The following GAS7 variants were observed in gnomAD, a reference collection of about 807,000 sequenced individuals.
GAS7 encodes the protein growth arrest-specific protein 7.
GAS7 carries 28 observed loss-of-function variants against 71.1 expected under a neutral mutation model. That is an observed-to-expected ratio of 0.39 (90% CI 0.29 to 0.54). GAS7 has a LOEUF of 0.54. GAS7 is among the 20% of genes least tolerant of loss of function. The pLI, the probability that GAS7 is intolerant of heterozygous loss-of-function variation, is 0.62. For missense variants in GAS7, 436 were observed against 627.8 expected, an observed-to-expected ratio of 0.69 and a Z score of 3.27; for synonymous variants, 258 against 245.8, an observed-to-expected ratio of 1.05 and a Z score of -0.46.
intron 1 of GAS7, among the ~76,000 whole-genome samples, chr17:10,188,845 T>C (rs1482828163): frequency 1.3e-5 from 2 of 152,186 alleles, no homozygotes; most frequent in Non-Finnish European, 2.9e-5. Context: ...GGTTTCCCCA[T>C]GTTGCCCAGG....
intron 1 of GAS7, among the ~76,000 whole-genome samples, chr17:10,065,209 T>C (rs1485072417): frequency 6.6e-6 from 1 of 152,180 alleles, no homozygotes; most frequent in East Asian, 1.9e-4. Context: ...CTAAAGAACA[T>C]AAAGCAGGGA....
chr17:10,105,475 C>T (rs2073748044), intron 1 of GAS7, among the ~76,000 whole-genome samples: 1 of 152,180 alleles, frequency 6.6e-6, no homozygotes, highest in African/African-American at 2.4e-5. Flanking sequence ...CTAGAGCATC[C>T]CTGTCCCTGC....
chr17:9,923,407 A>G (rs1315511811), intron 11 of GAS7, among the ~76,000 whole-genome samples: 1 of 152,188 alleles, frequency 6.6e-6, no homozygotes, highest in Non-Finnish European at 1.5e-5. Flanking sequence ...GAACAAAACT[A>G]AAAGACAAAT....
In GAS7 at chr17:9,937,576, C is replaced by T. The variant is rs151130293; in HGVS notation, c.806+2550G>A. ...ACGCTGGTCTTGCTGGGCCGCCCTG[C>T]GGTCTGTGGCTGGCAGGGAGGGTGA... On this transcript the variant is annotated intron_variant, in intron 8 of 13. Coordinates refer to ENST00000432992, the MANE Select transcript of GAS7 (RefSeq NM_201433.2). Among the ~76,000 whole-genome samples, 28 of 152,350 alleles carry T rather than the reference C, an allele frequency of 1.8e-4. No individual in the cohort carries two copies. In the East Asian group the frequency reaches 4.8e-3, roughly 26 times the overall value.
At chr17:10,124,686 A>T (rs2073931008) in intron 1 of GAS7, among the ~76,000 whole-genome samples, 1 of 152,148 alleles carries the variant, frequency 6.6e-6, no homozygotes, top group Non-Finnish European at 1.5e-5. Context: ...GGGGGAGCTG[A>T]GGCATGTGGA....
At chr17:9,980,696 A>C (rs1328830603) in intron 3 of GAS7, among the ~76,000 whole-genome samples, 1 of 152,208 alleles carries the variant, frequency 6.6e-6, no homozygotes, top group African/African-American at 2.4e-5. Flanking sequence ...GGATATCACA[A>C]AAGAAACAGA....
intron 1 of GAS7, chr17:10,036,839 T>C: frequency 1.6e-6 from 1 of 630,054 alleles, no homozygotes; most frequent in Non-Finnish European, 2.1e-6. Flanking sequence ...TGGCCAAGCT[T>C]GTGTCACTGA....
intron 1 of GAS7, 76 bp downstream of exon 1, chr17:10,198,132 C>T: frequency 7.0e-7 from 1 of 1,436,958 alleles, no homozygotes; most frequent in Non-Finnish European, 9.6e-7. Context: ...GCGGCATCCC[C>T]GGAACGGGCA....
chr17:10,026,382 G>A lies in GAS7; in HGVS notation c.184-6485C>T, dbSNP rs1184573500. The A allele has an allele frequency of 6.6e-6, 5 of 763,100 alleles. No homozygotes were observed. The highest frequency in any genetic ancestry group is 1.2e-4 in the Admixed American group (2 of 16,012). The allele number at this position is 763,100 out of a possible 1,614,324, so 47.3% of individuals were successfully genotyped here. On this transcript the variant is annotated intron_variant, in intron 1 of 13. Transcript: ENST00000432992. This position sits in a 1 kb window ranked among gnomAD's most constrained non-coding sequence, Gnocchi z 4.5. Reference sequence around the variant, plus strand: ...ACAGCTCTGAAGTTGTCAGCCTAACGAGCCACTTTCTGGCAGACCCGTTGC... The same window carrying A: ...ACAGCTCTGAAGTTGTCAGCCTAACAAGCCACTTTCTGGCAGACCCGTTGC...
chr17:9,937,157 A>G (rs1390606934), intron 8 of GAS7, among the ~76,000 whole-genome samples: 1 of 152,200 alleles, frequency 6.6e-6, no homozygotes, highest in Non-Finnish European at 1.5e-5. Flanking sequence ...GCGTGCATGC[A>G]CACACAGAGT....
intron 1 of GAS7, among the ~76,000 whole-genome samples, chr17:10,044,236 T>C (rs1041051093): frequency 6.6e-6 from 1 of 152,134 alleles, no homozygotes; most frequent in African/African-American, 2.4e-5. Context: ...CATAGAACAG[T>C]GAGGGCTTAC....
At chr17:10,014,579 G>A (rs2071914969) in intron 2 of GAS7, among the ~76,000 whole-genome samples, 1 of 152,060 alleles carries the variant, frequency 6.6e-6, no homozygotes, top group African/African-American at 2.4e-5. Context: ...CTTTACTCAT[G>A]CTGTAACCTT....
intron 1 of GAS7, among the ~76,000 whole-genome samples, chr17:10,087,159 T>G (rs2073528316): frequency 6.6e-6 from 1 of 152,190 alleles, no homozygotes; most frequent in South Asian, 2.1e-4. Flanking sequence ...ACCAGGAGAC[T>G]GAGATCTCAG....
Position 10,026,254 on chromosome 17 carries a change from G to T in GAS7, c.184-6357C>A. ...AGACGGTTTTAAGGTCTCCCACTCT[G>T]CATCCTCTCACACCCCAAACCCAGA... On this transcript the variant is annotated intron_variant, in intron 1 of 13. Transcript: ENST00000432992. This position sits in a 1 kb window ranked among gnomAD's most constrained non-coding sequence, Gnocchi z 4.5. The T allele has an allele frequency of 1.0e-6, 1 of 985,110 alleles. No homozygotes were observed. The highest frequency in any genetic ancestry group is 1.2e-6 in the Non-Finnish European group (1 of 829,732). 61.0% of individuals were successfully genotyped at this position (985,110 alleles called of 1,614,324 possible).
At chr17:10,160,255 T>G (rs2074242131) in intron 1 of GAS7, among the ~76,000 whole-genome samples, 1 of 152,124 alleles carries the variant, frequency 6.6e-6, no homozygotes, top group Non-Finnish European at 1.5e-5. Context: ...TTAAAAAATT[T>G]ACACTAAAAA....
chr17:9,935,080 C>A (rs894998753), intron 8 of GAS7, among the ~76,000 whole-genome samples: 7 of 152,194 alleles, frequency 4.6e-5, no homozygotes, highest in African/African-American at 1.7e-4. Context: ...AGGTATCACA[C>A]AGCGCTGCTT....
intron 5 of GAS7, among the ~76,000 whole-genome samples, chr17:9,954,077 A>T (rs919731589): frequency 6.6e-6 from 1 of 152,132 alleles, no homozygotes; most frequent in Non-Finnish European, 1.5e-5. Context: ...AGTAGGGCCC[A>T]GGCAGACAGA....
intron 1 of GAS7, among the ~76,000 whole-genome samples, chr17:10,183,960 T>A (rs180821257): frequency 7.9e-5 from 12 of 152,128 alleles, no homozygotes; most frequent in Admixed American, 3.3e-4. Context: ...TGCCCCCACC[T>A]CCCAGGGGTT....
chr17:10,090,957 A>C (rs145247109), intron 1 of GAS7, among the ~76,000 whole-genome samples: 3 of 152,210 alleles, frequency 2.0e-5, no homozygotes, highest in African/African-American at 7.2e-5. Flanking sequence ...CCAAGCCAAG[A>C]AGGCTTTTCT....
Sources: gnomAD v4.1 joint callset for allele counts (sites outside exome capture counted in the v4.1 genomes callset) on GRCh38, gnomAD v4.1.1 for gene constraint, Gnocchi (gnomAD v3.1) non-coding constraint, MANE v1.5 for transcripts, NCBI Gene and HGNC (gene_info 2026-07-23, HGNC 2026-07-21) for gene names.